The following ABCA5 variants were observed in gnomAD, a reference collection of about 807,000 sequenced individuals.
The protein encoded by ABCA5 is ATP binding cassette subfamily A member 5.
ABCA5 carries 163 observed loss-of-function variants against 206.0 expected under a neutral mutation model. The ratio of observed to expected loss-of-function variants is 0.79; its 90% CI spans 0.70 to 0.90. ABCA5 has a LOEUF of 0.90. ABCA5 is among the 40% of genes least tolerant of loss of function. The pLI is 0.00. For synonymous variants in ABCA5, 609 were observed against 613.8 expected, an observed-to-expected ratio of 0.99 and a Z score of 0.11; for missense variants, 1,859 against 1,912.9, an observed-to-expected ratio of 0.97 and a Z score of 0.53.
chr17:69,315,201 T>C (rs2075804358), intron 1 of ABCA5: 2 of 152,162 alleles, frequency 1.3e-5, no homozygotes, highest in African/African-American at 4.8e-5. Context: ...ATAAATCCAA[T>C]CCTATTAGTG....
chr17:69,316,410 C>G (rs1296275654), intron 1 of ABCA5, among the ~76,000 whole-genome samples: 1 of 151,842 alleles, frequency 6.6e-6, no homozygotes, highest in Non-Finnish European at 1.5e-5. Context: ...TCGCTTGAAC[C>G]CAGTAGGAGG....
At chr17:69,293,829 T>C (rs954877295) in intron 11 of ABCA5, among the ~76,000 whole-genome samples, 50 of 143,366 alleles carry the variant, frequency 3.5e-4, no homozygotes, top group African/African-American at 1.3e-3. Context: ...CCTACAATCA[T>C]ACTGGTGTGT....
At chr17:69,306,331 A>G (rs548800530) in intron 6 of ABCA5, among the ~76,000 whole-genome samples, 13 of 152,252 alleles carry the variant, frequency 8.5e-5, no homozygotes, top group Admixed American at 6.5e-4. Context: ...TATATATGCT[A>G]TATTATGGAA....
chr17:69,308,253 T>C (rs561936431), intron 5 of ABCA5, 27 bp downstream of exon 5: 867 of 1,413,286 alleles, frequency 6.1e-4, no homozygotes, highest in Non-Finnish European at 7.9e-4. Flanking sequence ...GGCATAGTTT[T>C]TGTATTTCTT....
At chr17:69,281,104 T>C (rs1053735099) in intron 18 of ABCA5, among the ~76,000 whole-genome samples, 1 of 151,534 alleles carries the variant, frequency 6.6e-6, no homozygotes, top group African/African-American at 2.4e-5. Context: ...ATATATTTAT[T>C]TAATGGCAAG....
intron 9 of ABCA5, 31 bp from the exon 10 acceptor site, chr17:69,297,390 C>T (rs2144998984): frequency 6.4e-7 from 1 of 1,562,580 alleles, no homozygotes. Context: ...AACTGAGTTA[C>T]CATAATTAGT....
intron 1 of ABCA5, among the ~76,000 whole-genome samples, chr17:69,318,575 T>TA (rs551800326): frequency 0.025 from 3,787 of 150,490 alleles, 52 homozygotes; most frequent in South Asian, 0.036. Flanking sequence ...ACTTACATAG[T>TA]AAAAAAAAAG....
intron 9 of ABCA5, among the ~76,000 whole-genome samples, chr17:69,298,902 A>C (rs1199582604): frequency 6.6e-6 from 1 of 152,216 alleles, no homozygotes; most frequent in African/African-American, 2.4e-5. Flanking sequence ...GAGTGGGAGA[A>C]GGTCTTCACT....
At chr17:69,270,787 T>C (rs1053119523) in intron 21 of ABCA5, 37 bp from the exon 22 acceptor site, 1 of 1,467,588 alleles carries the variant, frequency 6.8e-7, no homozygotes, top group Non-Finnish European at 9.0e-7. Context: ...ACATACTGTA[T>C]ATAAGCGGAT....
At chr17:69,293,006 C>T (rs1275874468) in intron 11 of ABCA5, among the ~76,000 whole-genome samples, 1 of 151,904 alleles carries the variant, frequency 6.6e-6, no homozygotes, top group Non-Finnish European at 1.5e-5. Flanking sequence ...TATTAGTATA[C>T]CACTATACCT....
chr17:69,308,923 T>A (rs1395449277), intron 4 of ABCA5, among the ~76,000 whole-genome samples: 1 of 152,026 alleles, frequency 6.6e-6, no homozygotes, highest in African/African-American at 2.4e-5. Flanking sequence ...GACCTCAAGA[T>A]TTTAAAGATT....
chr17:69,261,770 C>A (rs2075150411), intron 24 of ABCA5, 22 bp from the exon 25 acceptor site: 2 of 1,097,492 alleles, frequency 1.8e-6, no homozygotes, highest in African/African-American at 1.7e-5. Context: ...AAATATGTTT[C>A]TATAAAAATA....
rs991963509 is a variant in ABCA5, at chr17:69,276,062, A to C, written c.2594+1579T>G. ...TATTTTGTCATGGCAGTCAAAGCTG[A>C]CTAAGGTATTTTAATTTTCTTTTTT... On this transcript the variant is annotated intron_variant, in intron 19 of 38. Transcript: ENST00000392676. 1.2e-4 allele frequency among the ~76,000 whole-genome samples: 15 copies of C among 123,812 alleles called. No individual in the cohort carries two copies. In the East Asian group the frequency reaches 3.8e-3, roughly 32 times the overall value. The allele number at this position is 123,812 out of a possible 152,430, so 81.2% of individuals were successfully genotyped here.
At chr17:69,256,021 C>T (rs912041035) in intron 29 of ABCA5, 136 bp downstream of exon 29, 160 of 1,238,190 alleles carry the variant, frequency 1.3e-4, no homozygotes, top group Non-Finnish European at 1.2e-4. Flanking sequence ...AGTAAGTAAA[C>T]GAAGTATTTT....
At chr17:69,249,783 T>G in intron 37 of ABCA5, 122 bp downstream of exon 37, 6 of 1,276,460 alleles carry the variant, frequency 4.7e-6, no homozygotes, top group Non-Finnish European at 5.3e-6. Flanking sequence ...TTTCATAATT[T>G]GAGAGCTACA....
intron 25 of ABCA5, 65 bp from the exon 26 acceptor site, chr17:69,261,324 T>C (rs2075144725): frequency 6.9e-7 from 1 of 1,444,062 alleles, no homozygotes; most frequent in Non-Finnish European, 9.4e-7. Context: ...AATTGGTGTC[T>C]ACGCATTAAA....
At chr17:69,253,130 A>G (rs1292473840) in intron 34 of ABCA5, among the ~76,000 whole-genome samples, 2 of 152,150 alleles carry the variant, frequency 1.3e-5, no homozygotes, top group East Asian at 1.9e-4. Context: ...AGAGATTTAT[A>G]TAAGTACACT....
chr17:69,274,265 C>T, intron 19 of ABCA5, 137 bp from the exon 20 acceptor site: 1 of 777,896 alleles, frequency 1.3e-6, no homozygotes, highest in Non-Finnish European at 1.9e-6. Context: ...GTCACCCAGG[C>T]TGGAGTGTAA....
intron 20 of ABCA5, among the ~76,000 whole-genome samples, chr17:69,272,537 C>A (rs765065601): frequency 2.0e-5 from 3 of 151,612 alleles, no homozygotes; most frequent in Non-Finnish European, 4.4e-5. Flanking sequence ...ATTTGAGATA[C>A]ATGTACAATT....
Sources: allele counts gnomAD v4.1 joint callset (sites outside exome capture counted in the v4.1 genomes callset), GRCh38; gene constraint gnomAD v4.1.1; transcripts MANE v1.5; gene names NCBI Gene and HGNC (gene_info 2026-07-23, HGNC 2026-07-21).